Variants in BMPER observed in about 807,000 individuals in gnomAD.
BMPER encodes BMP binding endothelial regulator.
A neutral mutation model predicts 87.3 loss-of-function variants in BMPER; 45 were observed. The observed-to-expected ratio is 0.52, with a 90% CI of 0.41 to 0.66. The LOEUF (loss-of-function observed/expected upper bound fraction) is 0.66. BMPER is among the 30% of genes least tolerant of loss of function. The probability of loss-of-function intolerance (pLI) is 0.00; values close to 1 mark genes in which losing one functional copy is unlikely to be tolerated. For missense variants in BMPER, 784 were observed against 867.5 expected (o/e 0.90, Z 1.21); for synonymous variants, 326 against 316.2 (o/e 1.03, Z -0.33).
chr7:33,975,782 T>G (rs1785671473), intron 6 of BMPER, among the ~76,000 whole-genome samples: 1 of 152,186 alleles, frequency 6.6e-6, no homozygotes, highest in African/African-American at 2.4e-5. Flanking sequence ...AGCAGAATCA[T>G]ATTTGGATCA....
intron 11 of BMPER, among the ~76,000 whole-genome samples, chr7:34,074,921 A>G (rs1430141076): frequency 2.6e-5 from 4 of 152,226 alleles, no homozygotes; most frequent in East Asian, 3.8e-4. Flanking sequence ...AGAAACATGA[A>G]TGATGCTTTT....
chr7:33,971,943 C>A (rs1451725513), intron 5 of BMPER, among the ~76,000 whole-genome samples: 11 of 152,164 alleles, frequency 7.2e-5, no homozygotes, highest in Admixed American at 6.5e-4. Context: ...CACTCTGTCG[C>A]CCCGGCTGAA....
chr7:34,054,315 A>T (rs1468760947), intron 8 of BMPER, among the ~76,000 whole-genome samples: 4 of 152,168 alleles, frequency 2.6e-5, no homozygotes, highest in Non-Finnish European at 4.4e-5. Context: ...CAATGAAAGC[A>T]GGGAGATCTA....
intron 8 of BMPER, among the ~76,000 whole-genome samples, chr7:34,053,736 G>A (rs1390425477): frequency 2.0e-5 from 3 of 152,130 alleles, no homozygotes; most frequent in Admixed American, 6.5e-5. Flanking sequence ...GAGGAGGAGG[G>A]GTTGGTCTTG....
At chr7:34,104,740 C>A (rs925284518) in intron 13 of BMPER, among the ~76,000 whole-genome samples, 4 of 152,174 alleles carry the variant, frequency 2.6e-5, no homozygotes, top group Admixed American at 2.0e-4. Context: ...TGCTCTTAGA[C>A]ATGCTTAACT....
intron 14 of BMPER, among the ~76,000 whole-genome samples, chr7:34,148,454 A>C (rs956491680): frequency 6.6e-6 from 1 of 152,162 alleles, no homozygotes; most frequent in Non-Finnish European, 1.5e-5. Context: ...ACCTCCTGTA[A>C]CTGGAGGACA....
chr7:33,939,892 G>C (rs1480812069), intron 3 of BMPER: 1 of 220,746 alleles, frequency 4.5e-6, no homozygotes. Context: ...CTTTTCAGGG[G>C]CCCTGGGGTG....
rs995851874 is a variant in BMPER at position 34,092,787 on chromosome 7, C to T, written c.1745+6695C>T. ...TGGAGCCCAAGTAAAAAGAAAGACA[C>T]GAATTCATTCAGAAAGGTATGAAAA... On this transcript the variant is annotated intron_variant, in intron 13 of 14. Transcript: ENST00000649409. Among the ~76,000 whole-genome samples, 4 of 152,076 alleles carry T rather than the reference C, an allele frequency of 2.6e-5. No individual in the cohort carries two copies. In the East Asian group the frequency reaches 5.8e-4, roughly 22 times the overall value.
chr7:33,973,194 G>T (rs550130558), intron 5 of BMPER, among the ~76,000 whole-genome samples: 1 of 152,194 alleles, frequency 6.6e-6, no homozygotes, highest in South Asian at 2.1e-4. Flanking sequence ...GTAGATTGTT[G>T]TAGTTAATCT....
intron 13 of BMPER, 61 bp from the exon 14 acceptor site, chr7:34,143,169 A>G (rs1790916707): frequency 1.2e-6 from 2 of 1,605,892 alleles, no homozygotes; most frequent in Admixed American, 1.7e-5. Context: ...CTGAAGTTAT[A>G]TTTAGGGTGT....
intron 6 of BMPER, among the ~76,000 whole-genome samples, chr7:34,001,645 C>G (rs770729414): frequency 1.3e-4 from 19 of 149,830 alleles, no homozygotes; most frequent in Non-Finnish European, 2.7e-4. Flanking sequence ...TTGGTTTCAT[C>G]GAATTCTGTT....
At chr7:33,927,287 T>G (rs1443864691) in intron 2 of BMPER, among the ~76,000 whole-genome samples, 1 of 152,186 alleles carries the variant, frequency 6.6e-6, no homozygotes, top group Non-Finnish European at 1.5e-5. Context: ...CCCACAGGAA[T>G]GAGAGACACC....
At chr7:33,989,981 G>T (rs1786156511) in intron 6 of BMPER, among the ~76,000 whole-genome samples, 1 of 152,092 alleles carries the variant, frequency 6.6e-6, no homozygotes, top group Non-Finnish European at 1.5e-5. Flanking sequence ...CTGTATCTCT[G>T]TTTTGGTACC....
In BMPER at chr7:34,080,628, A is replaced by G. The variant is rs79124033; in HGVS notation, c.1408+1442A>G. Among the ~76,000 whole-genome samples, 16 of 152,330 alleles carry G rather than the reference A, an allele frequency of 1.1e-4. No individual in the cohort carries two copies. In the East Asian group the frequency reaches 3.1e-3, roughly 29 times the overall value. ...CCAGGACATTCCTTTCAAGGAGGCAAAGTTTTTTGGCTCCCTGTAAAATGT... is the reference window on the plus strand; with the variant it reads ...CCAGGACATTCCTTTCAAGGAGGCAGAGTTTTTTGGCTCCCTGTAAAATGT... On this transcript the variant is annotated intron_variant, in intron 12 of 14. Coordinates refer to ENST00000649409, the MANE Select transcript of BMPER (RefSeq NM_001365308.1).
chr7:33,985,580 T>A (rs1785982054), intron 6 of BMPER, among the ~76,000 whole-genome samples: 1 of 152,218 alleles, frequency 6.6e-6, no homozygotes, highest in Admixed American at 6.5e-5. Flanking sequence ...GTACTTCAAA[T>A]CAATGTCTTA....
At chr7:33,918,612 G>T (rs1007807830) in intron 2 of BMPER, among the ~76,000 whole-genome samples, 1 of 152,208 alleles carries the variant, frequency 6.6e-6, no homozygotes, top group African/African-American at 2.4e-5. Context: ...CTGAATGAGA[G>T]AACATGAAAG....
chr7:33,905,302 G>T (rs368262582), upstream of BMPER, among the ~76,000 whole-genome samples: 122 of 144,532 alleles, frequency 8.4e-4, no homozygotes, highest in African/African-American at 3.1e-3. Context: ...CTTCCTCCTG[G>T]CCCCCTCTCC....
At chr7:34,044,089 G>A (rs568717272) in intron 6 of BMPER, among the ~76,000 whole-genome samples, 47 of 152,242 alleles carry the variant, frequency 3.1e-4, no homozygotes, top group Non-Finnish European at 6.2e-4. Flanking sequence ...CCACAATACT[G>A]CAAACCAAAC....
rs114816839 is a variant in BMPER at position 34,001,595 on chromosome 7, T to C, written c.576+26811T>C. 7.8e-3 allele frequency among the ~76,000 whole-genome samples: 1,187 copies of C among 151,306 alleles called. 9 individuals carry two copies. Among genetic ancestry groups the C allele is most frequent in the African/African-American group, 0.027 (1,119 of 41,360 alleles). ...TTTTTTTTCTGTTCAGTCTAGTTAA[T>C]GGTTTATCAATTTTGTTGAAATTTT... On this transcript the variant is annotated intron_variant, in intron 6 of 14. Coordinates refer to ENST00000649409, the MANE Select transcript of BMPER (RefSeq NM_001365308.1).
Sources: gnomAD v4.1 joint callset for allele counts (sites outside exome capture counted in the v4.1 genomes callset) on GRCh38, gnomAD v4.1.1 for gene constraint, MANE v1.5 for transcripts, NCBI Gene and HGNC (gene_info 2026-07-23, HGNC 2026-07-21) for gene names.